Variants in SSBP3 observed in about 807,000 individuals in gnomAD.
The protein encoded by SSBP3 is single stranded DNA binding protein 3.
In SSBP3, 5 loss-of-function variants were observed where a neutral mutation model predicts 69.6. The ratio of observed to expected loss-of-function variants is 0.07; its 90% confidence interval spans 0.04 to 0.15. The LOEUF (loss-of-function observed/expected upper bound fraction) is 0.15. SSBP3 is among the 10% of genes least tolerant of loss of function. The pLI is 1.00. For missense variants in SSBP3, 312 were observed against 534.0 expected (o/e 0.58, Z 4.10); for synonymous variants, 196 against 193.4 (o/e 1.01, Z -0.11).
intron 5 of SSBP3, among the ~76,000 whole-genome samples, chr1:54,278,892 G>C (rs985973199): frequency 6.6e-6 from 1 of 152,242 alleles, no homozygotes; most frequent in Non-Finnish European, 1.5e-5. Context: ...TACTAGTGAA[G>C]GGCAGGGCCA....
intron 4 of SSBP3, among the ~76,000 whole-genome samples, chr1:54,305,828 A>G (rs1305980144): frequency 1.3e-5 from 2 of 149,014 alleles, no homozygotes; most frequent in African/African-American, 5.0e-5. Flanking sequence ...GGGCTCAAAG[A>G]TGGTCACTAT....
intron 4 of SSBP3, among the ~76,000 whole-genome samples, chr1:54,340,705 T>A (rs1646592041): frequency 6.6e-6 from 1 of 152,286 alleles, no homozygotes; most frequent in South Asian, 2.1e-4. Flanking sequence ...CTGAGGTTCT[T>A]TCAGAGGTGG....
At chr1:54,290,238 T>A (rs1332475222) in intron 4 of SSBP3, among the ~76,000 whole-genome samples, 1 of 152,122 alleles carries the variant, frequency 6.6e-6, no homozygotes. Flanking sequence ...CACTTTACCT[T>A]CTGCACCCCT....
intron 4 of SSBP3, among the ~76,000 whole-genome samples, chr1:54,332,288 T>C (rs1646430756): frequency 6.6e-6 from 1 of 152,110 alleles, no homozygotes; most frequent in African/African-American, 2.4e-5. Context: ...CAGTCACAGA[T>C]ACACGCATCA....
intron 2 of SSBP3, 36 bp from the exon 3 acceptor site, chr1:54,404,673 AGAGACGGG>A (rs1367931499): frequency 2.5e-6 from 4 of 1,613,144 alleles, no homozygotes; most frequent in Non-Finnish European, 2.5e-6. Context: ...TTAGAGGAGC[AGAGACGGG>A]GTGGGCTGGG....
chr1:54,276,032 C>A lies in SSBP3; in HGVS notation c.366+5406G>T, dbSNP rs11808195. Among the ~76,000 whole-genome samples the A allele has an allele frequency of 5.1e-3, 783 of 152,304 alleles. 6 individuals carry two copies. The highest frequency in any genetic ancestry group is 0.018 in the African/African-American group (753 of 41,574). ...CTCCCCATAACCAATGGGAAGAGTTCTCTAGGGACCTCAACATCTTTCTAA... is the reference window on the plus strand; with the variant it reads ...CTCCCCATAACCAATGGGAAGAGTTATCTAGGGACCTCAACATCTTTCTAA... On this transcript the variant is annotated intron_variant, in intron 5 of 17. Coordinates refer to ENST00000610401, the Ensembl canonical transcript of SSBP3.
intron 4 of SSBP3, among the ~76,000 whole-genome samples, chr1:54,391,120 T>G (rs1465623814): frequency 6.6e-6 from 1 of 152,190 alleles, no homozygotes; most frequent in Non-Finnish European, 1.5e-5. Flanking sequence ...CCAGGCTTGC[T>G]GTGTCACCAG....
intron 4 of SSBP3, among the ~76,000 whole-genome samples, chr1:54,351,373 A>AT (rs1392481285): frequency 6.6e-6 from 1 of 152,188 alleles, no homozygotes; most frequent in East Asian, 1.9e-4. Flanking sequence ...TCCCAAGGTT[A>AT]CCGGAAGGAT....
chr1:54,338,286 C>T (rs111369078), intron 4 of SSBP3, among the ~76,000 whole-genome samples: 5 of 152,298 alleles, frequency 3.3e-5, no homozygotes, highest in Non-Finnish European at 7.3e-5. Flanking sequence ...TATGCTAAAG[C>T]GAATGTTTAT....
intron 4 of SSBP3, among the ~76,000 whole-genome samples, chr1:54,306,202 A>G (rs1405619506): frequency 6.6e-6 from 1 of 152,062 alleles, no homozygotes; most frequent in African/African-American, 2.4e-5. Context: ...ACAGCACAGA[A>G]CGCACTGGGT....
chr1:54,337,187 T>C (rs952839524), intron 4 of SSBP3, among the ~76,000 whole-genome samples: 9 of 152,136 alleles, frequency 5.9e-5, no homozygotes, highest in African/African-American at 2.2e-4. Context: ...AGCAACCTCT[T>C]CACTCTGGCC....
intron 4 of SSBP3, among the ~76,000 whole-genome samples, chr1:54,283,706 C>A (rs1395401329): frequency 6.6e-6 from 1 of 152,250 alleles, no homozygotes; most frequent in Non-Finnish European, 1.5e-5. Context: ...GCCCTCTCTG[C>A]AAGAGCTATC....
chr1:54,285,695 A>C (rs943511457), intron 4 of SSBP3, among the ~76,000 whole-genome samples: 9 of 152,104 alleles, frequency 5.9e-5, no homozygotes, highest in African/African-American at 2.2e-4. Flanking sequence ...AGCTCCATTA[A>C]GGCGCTCAGC....
intron 4 of SSBP3, among the ~76,000 whole-genome samples, chr1:54,307,751 C>A (rs1184652516): frequency 6.6e-6 from 1 of 152,196 alleles, no homozygotes; most frequent in East Asian, 1.9e-4. Flanking sequence ...GTCGTCCTCA[C>A]TGCTACACTC....
intron 4 of SSBP3, among the ~76,000 whole-genome samples, chr1:54,387,542 A>T (rs1648182009): frequency 6.6e-6 from 1 of 152,048 alleles, no homozygotes; most frequent in Non-Finnish European, 1.5e-5. Flanking sequence ...AAGAGGGGAA[A>T]AACACGTCTG....
chr1:54,294,947 G>A (rs1645678893), intron 4 of SSBP3, among the ~76,000 whole-genome samples: 1 of 152,090 alleles, frequency 6.6e-6, no homozygotes, highest in African/African-American at 2.4e-5. Flanking sequence ...CATCCCACAA[G>A]CAGAGGCTCC....
intron 5 of SSBP3, among the ~76,000 whole-genome samples, chr1:54,260,949 C>T (rs565821629): frequency 7.4e-4 from 112 of 152,354 alleles, no homozygotes; most frequent in Middle Eastern, 3.4e-3. Context: ...CACAGAGCTC[C>T]TCTCCCACCT....
intron 4 of SSBP3, among the ~76,000 whole-genome samples, chr1:54,393,513 G>A (rs1413497801): frequency 6.6e-6 from 1 of 152,170 alleles, no homozygotes; most frequent in Non-Finnish European, 1.5e-5. Flanking sequence ...GCACAGGCCG[G>A]GTGTAGTGGC....
chr1:54,225,754 G>C (rs1051233499), exon 18 of SSBP3: 1 of 157,184 alleles, frequency 6.4e-6, no homozygotes, highest in Non-Finnish European at 1.4e-5. Flanking sequence ...AAAGGTTTCC[G>C]TGGGGTGATG....
Sources: gnomAD v4.1 joint callset for allele counts (sites outside exome capture counted in the v4.1 genomes callset) on GRCh38, gnomAD v4.1.1 for gene constraint, MANE v1.5 for transcripts, NCBI Gene and HGNC (gene_info 2026-07-23, HGNC 2026-07-21) for gene names.